The following MEI4 variants were observed in gnomAD, a reference collection of about 807,000 sequenced individuals.
MEI4 encodes meiosis-specific protein MEI4.
Under a neutral mutation model 31.4 loss-of-function variants are expected in MEI4, and 27 were observed. That is an observed-to-expected ratio of 0.86 (90% CI 0.63 to 1.19). MEI4 has a LOEUF of 1.19. Ranked by LOEUF, MEI4 falls within the 50% of genes most tolerant of loss-of-function variation. MEI4 has a pLI of 0.00. For synonymous variants in MEI4, 122 were observed against 145.4 expected, an observed-to-expected ratio of 0.84 and a Z score of 1.16; for missense variants, 329 against 398.9, an observed-to-expected ratio of 0.82 and a Z score of 1.49.
At chr6:77,771,303 G>T (rs1422092291) in intron 3 of MEI4, among the ~76,000 whole-genome samples, 1 of 152,070 alleles carries the variant, frequency 6.6e-6, no homozygotes, top group Admixed American at 6.6e-5. Context: ...TGCTGGCAAG[G>T]TTGTGGAGAA....
chr6:77,716,796 A>G lies in MEI4; in HGVS notation c.232+25893A>G, dbSNP rs545564041. Reference sequence around the variant, plus strand: ...TCTGGAACAGAAAACCAAACACTGCATGTTGTCATGTGGAAGTTGAACAAG... The same window carrying G: ...TCTGGAACAGAAAACCAAACACTGCGTGTTGTCATGTGGAAGTTGAACAAG... On this transcript the variant is annotated intron_variant, in intron 2 of 4. Transcript: ENST00000684080. The G allele has an allele frequency of 6.1e-5, 43 of 703,822 alleles. No homozygotes were observed. In the South Asian group the frequency reaches 1.5e-3, roughly 24 times the overall value. The allele number at this position is 703,822 out of a possible 1,614,324, so 43.6% of individuals were successfully genotyped here.
At chr6:77,688,866 G>A (rs1769106807) in intron 1 of MEI4, among the ~76,000 whole-genome samples, 2 of 152,056 alleles carry the variant, frequency 1.3e-5, no homozygotes, top group South Asian at 2.1e-4. Context: ...GAGTGTCAGA[G>A]TCCACTGCTC....
Position 77,829,042 on chromosome 6 carries a change from G to T in MEI4, c.880G>T (p.Asp294Tyr), listed in dbSNP as rs1164843490. ...ATCAGAAGTAAATGGCTTTGCTGATGATCTGGGAGCCATCAATCAGGTACA... is the reference window on the plus strand; with the variant it reads ...ATCAGAAGTAAATGGCTTTGCTGATTATCTGGGAGCCATCAATCAGGTACA... ...LLSEVNGFAD[D>Y]LGAINQEQAS... Residue 294 changes from aspartate (D) to tyrosine (Y), a missense_variant, in exon 4 of 5, where the codon GAT becomes TAT. Transcript: ENST00000684080. 6 of 1,231,770 alleles carry T rather than the reference G, an allele frequency of 4.9e-6. No homozygotes were observed. Among genetic ancestry groups the T allele is most frequent in the African/African-American group, 3.1e-5 (2 of 64,388 alleles). The allele number at this position is 1,231,770 out of a possible 1,614,324, so 76.3% of individuals were successfully genotyped here.
At chr6:77,743,990 A>C (rs1767501926) in intron 2 of MEI4, among the ~76,000 whole-genome samples, 1 of 152,226 alleles carries the variant, frequency 6.6e-6, no homozygotes, top group Admixed American at 6.5e-5. Flanking sequence ...ATTAAAGACC[A>C]AAAGTAGATA....
chr6:77,672,844 C>G (rs2127646283), intron 1 of MEI4, among the ~76,000 whole-genome samples: 2 of 152,256 alleles, frequency 1.3e-5, no homozygotes, highest in Middle Eastern at 6.8e-3. Context: ...ATCCTACATT[C>G]TGTTTTAAGT....
chr6:77,876,127 G>A (rs563766174), intron 4 of MEI4, among the ~76,000 whole-genome samples: 1 of 152,216 alleles, frequency 6.6e-6, no homozygotes, highest in African/African-American at 2.4e-5. Context: ...TTATCTATAT[G>A]ATAGATAGTT....
At chr6:77,841,420 C>T (rs1770362406) in intron 4 of MEI4, among the ~76,000 whole-genome samples, 1 of 143,042 alleles carries the variant, frequency 7.0e-6, no homozygotes, top group African/African-American at 2.6e-5. Context: ...GCTCATGGCA[C>T]CCTCTGCCTC....
rs576814799 is a variant in MEI4 at position 77,696,741 on chromosome 6, C to T, written c.232+5838C>T. 4.0e-5 allele frequency among the ~76,000 whole-genome samples: 6 copies of T among 151,772 alleles called. No individual in the cohort carries two copies. The East Asian group carries it at 1.2e-3, about 29-fold the overall frequency. The stretch of plus-strand genomic sequence containing the variant: ...CTAAAATTCTCTTTTTTGGTTGTGT[C>T]TCTGCCAGGCTTTGGTATCAGGATG... On this transcript the variant is annotated intron_variant, in intron 2 of 4. Transcript: ENST00000684080.
At chr6:77,664,538 T>TA (rs1387377103) in intron 1 of MEI4, among the ~76,000 whole-genome samples, 1 of 151,902 alleles carries the variant, frequency 6.6e-6, no homozygotes, top group East Asian at 1.9e-4. Flanking sequence ...GGGGAGGCGA[T>TA]AAAAAGATTA....
intron 3 of MEI4, among the ~76,000 whole-genome samples, chr6:77,805,484 T>G (rs1271457765): frequency 6.6e-6 from 1 of 152,164 alleles, no homozygotes; most frequent in Admixed American, 6.5e-5. Context: ...GGAACATTAT[T>G]GCTCAAGGTC....
chr6:77,827,236 T>C (rs1582189195), intron 3 of MEI4, among the ~76,000 whole-genome samples: 1 of 151,746 alleles, frequency 6.6e-6, no homozygotes, highest in African/African-American at 2.4e-5. Context: ...GGCGGGTGCC[T>C]GTAGTCCCAG....
At chr6:77,851,398 A>G (rs982242683) in intron 4 of MEI4, among the ~76,000 whole-genome samples, 22 of 152,244 alleles carry the variant, frequency 1.4e-4, no homozygotes, top group South Asian at 2.1e-4. Context: ...ATGTCCATCA[A>G]TGATAGACTG....
chr6:77,711,632 G>A (rs2127660078), intron 2 of MEI4, among the ~76,000 whole-genome samples: 1 of 152,216 alleles, frequency 6.6e-6, no homozygotes, highest in East Asian at 1.9e-4. Context: ...GGCACAGCTG[G>A]GTTTGGACTT....
Position 77,789,463 on chromosome 6 carries a change from C to G in MEI4, c.768+27798C>G, listed in dbSNP as rs369804567. The stretch of plus-strand genomic sequence containing the variant: ...CAAAAGAAACTACCATCAGAGTGAA[C>G]AGGCAACCTACAGAATGGGAGAAAA... On this transcript the variant is annotated intron_variant, in intron 3 of 4. Transcript: ENST00000684080. 7.2e-5 allele frequency among the ~76,000 whole-genome samples: 11 copies of G among 152,272 alleles called. 1 individual carries two copies. In the East Asian group the frequency reaches 2.1e-3, roughly 29 times the overall value.
intron 2 of MEI4, among the ~76,000 whole-genome samples, chr6:77,710,022 T>TG (rs1311465335): frequency 6.6e-6 from 1 of 152,116 alleles, no homozygotes; most frequent in Non-Finnish European, 1.5e-5. Context: ...AGAGATACAG[T>TG]GGGGGCTGGA....
intron 3 of MEI4, among the ~76,000 whole-genome samples, chr6:77,808,692 C>A (rs1582170958): frequency 6.6e-6 from 1 of 152,032 alleles, no homozygotes; most frequent in Non-Finnish European, 1.5e-5. Context: ...AGGTTGAATT[C>A]CCTGGGAAGC....
chr6:77,651,682 C>T (rs1048191166), upstream of MEI4, among the ~76,000 whole-genome samples: 3 of 152,096 alleles, frequency 2.0e-5, no homozygotes, highest in Non-Finnish European at 4.4e-5. Flanking sequence ...TATATGAGGA[C>T]TTAGTCCTTC....
At chr6:77,702,638 C>T (rs1018209540) in intron 2 of MEI4, among the ~76,000 whole-genome samples, 1 of 152,088 alleles carries the variant, frequency 6.6e-6, no homozygotes, top group African/African-American at 2.4e-5. Context: ...AGCCTTTGCC[C>T]CTTTCTAGTC....
At chr6:77,724,965 T>A (rs1424666390) in intron 2 of MEI4, among the ~76,000 whole-genome samples, 5 of 142,646 alleles carry the variant, frequency 3.5e-5, no homozygotes, top group African/African-American at 1.3e-4. Flanking sequence ...TGAAATACTA[T>A]CTTCTTCTGT....
Sources: gnomAD v4.1 joint callset for allele counts (sites outside exome capture counted in the v4.1 genomes callset) on GRCh38, gnomAD v4.1.1 for gene constraint, MANE v1.5 for transcripts, NCBI Gene and HGNC (gene_info 2026-07-23, HGNC 2026-07-21) for gene names.